LOC128462377: variants seen among roughly 807,000 people sequenced by gnomAD.
the LOC128462377 span, among the ~76,000 whole-genome samples, chr16:89,364,089 A>G: frequency 7.2e-6 from 1 of 138,538 alleles, no homozygotes; most frequent in Non-Finnish European, 1.6e-5. Context: ...CACACACTCA[A>G]TGGAAGGCAA....
chr16:89,348,174 C>T, the LOC128462377 span, among the ~76,000 whole-genome samples: 1 of 152,108 alleles, frequency 6.6e-6, no homozygotes, highest in African/African-American at 2.4e-5. Flanking sequence ...TCAAACAGTC[C>T]TCCCATCTCA....
chr16:89,358,530 C>G, the LOC128462377 span, among the ~76,000 whole-genome samples: 1 of 152,206 alleles, frequency 6.6e-6, no homozygotes, highest in African/African-American at 2.4e-5. Flanking sequence ...ATCATCACTA[C>G]GCATTGCATG....
chr16:89,336,342 G>A, the LOC128462377 span, among the ~76,000 whole-genome samples: 36 of 152,394 alleles, frequency 2.4e-4, no homozygotes, highest in Admixed American at 2.2e-3. Flanking sequence ...CTCCAAGATT[G>A]TCGTCAGACC....
At chr16:89,401,227 C>T in the LOC128462377 span, among the ~76,000 whole-genome samples, 1 of 152,000 alleles carries the variant, frequency 6.6e-6, no homozygotes, top group African/African-American at 2.4e-5. Context: ...CCAAGACGGC[C>T]GCCACCACGC....
the LOC128462377 span, among the ~76,000 whole-genome samples, chr16:89,377,182 C>T: frequency 1.5e-4 from 23 of 152,194 alleles, no homozygotes; most frequent in Admixed American, 1.4e-3. Context: ...CCAAACACAG[C>T]GTATCTAATT....
chr16:89,348,779 C>A, the LOC128462377 span, among the ~76,000 whole-genome samples: 1 of 151,784 alleles, frequency 6.6e-6, no homozygotes, highest in African/African-American at 2.4e-5. Flanking sequence ...TATAAGATCA[C>A]AGCAATGTCC....
the LOC128462377 span, among the ~76,000 whole-genome samples, chr16:89,375,809 T>G: frequency 2.0e-5 from 3 of 148,266 alleles, no homozygotes; most frequent in African/African-American, 7.5e-5. Context: ...AGTTCTCAAG[T>G]CTTTTTCATT....
At chr16:89,323,099 C>A in the LOC128462377 span, 1 of 316,588 alleles carries the variant, frequency 3.2e-6, no homozygotes, top group Non-Finnish European at 6.2e-6. Context: ...CCTTTTCCAG[C>A]TGAGCCCTGC....
the LOC128462377 span, among the ~76,000 whole-genome samples, chr16:89,409,668 G>A: frequency 6.6e-6 from 1 of 152,098 alleles, no homozygotes. Context: ...ACACACACAC[G>A]AAAACTGGTT....
chr16:89,415,914 G>A, the LOC128462377 span, among the ~76,000 whole-genome samples: 25 of 148,426 alleles, frequency 1.7e-4, no homozygotes, highest in Middle Eastern at 3.5e-3. Flanking sequence ...GGGTCACGGC[G>A]CCTCTGGTCA....
At chr16:89,323,004 C>T in the LOC128462377 span, 19 of 299,536 alleles carry the variant, frequency 6.3e-5, no homozygotes, top group African/African-American at 2.0e-4. Flanking sequence ...GCACCATGCC[C>T]GGCTAATTTC....
chr16:89,317,053 G>A, the LOC128462377 span: 165 of 1,599,346 alleles, frequency 1.0e-4, no homozygotes, highest in Non-Finnish European at 1.3e-4. Flanking sequence ...CATTTACACG[G>A]CCGGCGCTTC....
the LOC128462377 span, among the ~76,000 whole-genome samples, chr16:89,413,984 C>T: frequency 6.6e-6 from 1 of 152,178 alleles, no homozygotes; most frequent in South Asian, 2.1e-4. Context: ...GGAGGGGGCT[C>T]GGCTCTGGCT....
At chr16:89,362,942 G>A in the LOC128462377 span, among the ~76,000 whole-genome samples, 1,126 of 152,010 alleles carry the variant, frequency 7.4e-3, 13 homozygotes, top group African/African-American at 0.025. Context: ...AATGGAAACC[G>A]GACACAGCAG....
At chr16:89,415,231 G>T in the LOC128462377 span, among the ~76,000 whole-genome samples, 1 of 149,692 alleles carries the variant, frequency 6.7e-6, no homozygotes, top group Non-Finnish European at 1.5e-5. Context: ...TGGGATTACA[G>T]GTGGGAGCCA....
chr16:89,348,641 T>C, the LOC128462377 span, among the ~76,000 whole-genome samples: 1 of 152,244 alleles, frequency 6.6e-6, no homozygotes, highest in Non-Finnish European at 1.5e-5. Flanking sequence ...CAGGACTATT[T>C]AAGCTATCTA....
At chr16:89,409,291 A>T in the LOC128462377 span, among the ~76,000 whole-genome samples, 1 of 152,176 alleles carries the variant, frequency 6.6e-6, no homozygotes, top group Non-Finnish European at 1.5e-5. Context: ...GCTACAAGAA[A>T]GCTCAAACCC....
the LOC128462377 span, among the ~76,000 whole-genome samples, chr16:89,411,744 C>T: frequency 6.6e-6 from 1 of 152,120 alleles, no homozygotes; most frequent in Non-Finnish European, 1.5e-5. Flanking sequence ...TAAGCACATC[C>T]CAAATCATTT....
the LOC128462377 span, among the ~76,000 whole-genome samples, chr16:89,399,326 C>T: frequency 6.6e-6 from 1 of 152,166 alleles, no homozygotes; most frequent in Non-Finnish European, 1.5e-5. Context: ...CGGCGTCCAT[C>T]CAGACAACAG....
Sources: gnomAD v4.1 joint callset for allele counts (sites outside exome capture counted in the v4.1 genomes callset) on GRCh38, gnomAD v4.1.1 for gene constraint, MANE v1.5 for transcripts.